Variants in CAMK2D observed in about 807,000 individuals in gnomAD.
CAMK2D encodes calcium/calmodulin-dependent protein kinase type II subunit delta.
A neutral mutation model predicts 84.0 loss-of-function variants in CAMK2D; 37 were observed. The observed-to-expected ratio is 0.44, with a 90% CI of 0.34 to 0.58. CAMK2D has a LOEUF of 0.58. Ranked by LOEUF, CAMK2D falls within the 20% of genes least tolerant of loss-of-function variation. CAMK2D has a pLI of 0.02. For synonymous variants in CAMK2D, 202 were observed against 212.5 expected, an observed-to-expected ratio of 0.95 and a Z score of 0.43; for missense variants, 448 against 652.5, an observed-to-expected ratio of 0.69 and a Z score of 3.41.
chr4:113,659,271 C>T (rs183561048), intron 3 of CAMK2D, among the ~76,000 whole-genome samples: 1 of 152,260 alleles, frequency 6.6e-6, no homozygotes, highest in Non-Finnish European at 1.5e-5. Flanking sequence ...CTTCACTAAA[C>T]AAAGATTTGA....
intron 4 of CAMK2D, among the ~76,000 whole-genome samples, chr4:113,574,114 T>C (rs1026496698): frequency 6.6e-6 from 1 of 152,178 alleles, no homozygotes; most frequent in East Asian, 1.9e-4. Flanking sequence ...CCACTTTCAG[T>C]TCCGTACTGT....
At chr4:113,594,078 T>C (rs2098910246) in intron 4 of CAMK2D, among the ~76,000 whole-genome samples, 1 of 152,136 alleles carries the variant, frequency 6.6e-6, no homozygotes, top group Non-Finnish European at 1.5e-5. Context: ...CTTTTACTCA[T>C]GGCAGAAAGC....
At chr4:113,501,882 G>C (rs1004944274) in intron 15 of CAMK2D, among the ~76,000 whole-genome samples, 1 of 151,904 alleles carries the variant, frequency 6.6e-6, no homozygotes, top group Non-Finnish European at 1.5e-5. Flanking sequence ...AAGGCTTTTC[G>C]GGACCTAGAC....
chr4:113,581,529 A>AAAAAAAAAAAAAAAAAAAAG (rs373642282), intron 4 of CAMK2D, among the ~76,000 whole-genome samples: 1 of 121,878 alleles, frequency 8.2e-6, no homozygotes, highest in African/African-American at 3.2e-5. Flanking sequence ...AAAAAAAAAA[A>AAAAAAAAAAAAAAAAAAAAG]AAAAGAAAAG....
At chr4:113,490,603 T>A (rs1172802234) in intron 16 of CAMK2D, among the ~76,000 whole-genome samples, 1 of 149,894 alleles carries the variant, frequency 6.7e-6, no homozygotes, top group Admixed American at 6.6e-5. Flanking sequence ...TTCTCTTGGC[T>A]TAGGACTGAC....
chr4:113,555,398 A>C (rs2098657732), intron 4 of CAMK2D, among the ~76,000 whole-genome samples: 1 of 152,154 alleles, frequency 6.6e-6, no homozygotes. Context: ...TTGCTAAGGT[A>C]GGACTGGGAC....
intron 16 of CAMK2D, among the ~76,000 whole-genome samples, chr4:113,470,785 A>C (rs968256798): frequency 1.3e-5 from 2 of 152,156 alleles, no homozygotes; most frequent in African/African-American, 2.4e-5. Flanking sequence ...GTAACCGATT[A>C]ATCAGTTTTC....
At chr4:113,457,171 C>T (rs2097312862) in intron 19 of CAMK2D, 164 bp downstream of exon 19, 12 of 1,439,176 alleles carry the variant, frequency 8.3e-6, no homozygotes, top group Non-Finnish European at 9.1e-6. Flanking sequence ...TCTGATTGAT[C>T]TTTCCAGAGA....
chr4:113,477,715 C>A (rs141167119), intron 16 of CAMK2D, among the ~76,000 whole-genome samples: 2,014 of 136,836 alleles, frequency 0.015, 42 homozygotes, highest in African/African-American at 0.052. Context: ...CACTGCACTC[C>A]AGCCTGGGCA....
chr4:113,691,945 C>G (rs1206333302), intron 2 of CAMK2D, among the ~76,000 whole-genome samples: 1 of 151,932 alleles, frequency 6.6e-6, no homozygotes, highest in Non-Finnish European at 1.5e-5. Context: ...TCTTCCTATT[C>G]CTGAGAAAAG....
chr4:113,621,955 T>A (rs1457586569), intron 3 of CAMK2D, among the ~76,000 whole-genome samples: 1 of 152,192 alleles, frequency 6.6e-6, no homozygotes, highest in East Asian at 1.9e-4. Context: ...AATGTCTTCA[T>A]CTATATGGGG....
intron 2 of CAMK2D, among the ~76,000 whole-genome samples, chr4:113,708,245 T>C (rs2099469640): frequency 6.6e-6 from 1 of 152,234 alleles, no homozygotes; most frequent in African/African-American, 2.4e-5. Context: ...CTAGTCATCA[T>C]GGCTCACTTT....
intron 6 of CAMK2D, among the ~76,000 whole-genome samples, chr4:113,546,743 A>G (rs1310697846): frequency 2.0e-5 from 3 of 152,174 alleles, no homozygotes; most frequent in Non-Finnish European, 4.4e-5. Context: ...CAGTGCTCAC[A>G]TTTACTATTT....
At chr4:113,673,533 A>C (rs776135642) in intron 2 of CAMK2D, among the ~76,000 whole-genome samples, 18 of 152,228 alleles carry the variant, frequency 1.2e-4, no homozygotes, top group African/African-American at 4.1e-4. Context: ...CGGCATGACT[A>C]TCAGAGGAAC....
At chr4:113,528,335 G>A (rs1421329226) in intron 8 of CAMK2D, among the ~76,000 whole-genome samples, 1 of 152,128 alleles carries the variant, frequency 6.6e-6, no homozygotes, top group Non-Finnish European at 1.5e-5. Flanking sequence ...AGGGAACTGA[G>A]ACACAGGGAC....
At chr4:113,724,079 C>T (rs1209807266) in intron 2 of CAMK2D, among the ~76,000 whole-genome samples, 3 of 151,828 alleles carry the variant, frequency 2.0e-5, no homozygotes, top group Middle Eastern at 3.2e-3. Context: ...ATTTCATTTG[C>T]TCTTATTTTG....
At chr4:113,689,729 G>A (rs2154340383) in intron 2 of CAMK2D, among the ~76,000 whole-genome samples, 1 of 152,112 alleles carries the variant, frequency 6.6e-6, no homozygotes. Context: ...TTATTGATTG[G>A]AATCACATCA....
chr4:113,511,001 T>C (rs17046129), intron 12 of CAMK2D, among the ~76,000 whole-genome samples: 4,374 of 152,120 alleles, frequency 0.029, 213 homozygotes, highest in African/African-American at 0.097. Context: ...CTCAGAATAA[T>C]TGAAATTGCA....
intron 7 of CAMK2D, among the ~76,000 whole-genome samples, chr4:113,534,495 C>A (rs2098477189): frequency 6.6e-6 from 1 of 152,140 alleles, no homozygotes; most frequent in South Asian, 2.1e-4. Context: ...GCTGATAGCA[C>A]CATGCTGATG....
Sources: gnomAD v4.1 joint callset for allele counts (sites outside exome capture counted in the v4.1 genomes callset) on GRCh38, gnomAD v4.1.1 for gene constraint, MANE v1.5 for transcripts, NCBI Gene and HGNC (gene_info 2026-07-23, HGNC 2026-07-21) for gene names.